Variants in DOCK8 observed in about 807,000 individuals in gnomAD.
DOCK8 encodes the protein dedicator of cytokinesis 8, also known as dedicator of cytokinesis protein 8.
Under a neutral mutation model 245.6 loss-of-function variants are expected in DOCK8, and 141 were observed. The observed-to-expected ratio is 0.57, with a 90% confidence interval of 0.50 to 0.66. The LOEUF is 0.66. DOCK8 is among the 30% of genes least tolerant of loss of function. DOCK8 has a pLI of 0.00. For synonymous variants in DOCK8, 1,168 were observed against 970.2 expected (o/e 1.20, Z -3.79); for missense variants, 2,965 against 2,603.4 (o/e 1.14, Z -3.02).
At chr9:318,962 GA>G (rs961830346) in intron 7 of DOCK8, among the ~76,000 whole-genome samples, 16 of 152,292 alleles carry the variant, frequency 1.1e-4, no homozygotes, top group Non-Finnish European at 2.2e-4. Context: ...TCACAGGTGG[GA>G]AAACATGGTC....
upstream of DOCK8, chr9:213,953 C>T (rs1002096159): frequency 3.3e-5 from 5 of 152,748 alleles, no homozygotes; most frequent in African/African-American, 2.4e-5. Flanking sequence ...GTCTCGATCT[C>T]CTGACCTCGT....
chr9:328,941 CTTT>C (rs1165346763), intron 9 of DOCK8, among the ~76,000 whole-genome samples: 9 of 71,402 alleles, frequency 1.3e-4, no homozygotes, highest in South Asian at 5.0e-4. Flanking sequence ...CTTATTGATT[CTTT>C]TTTTTTTTTT....
intron 5 of DOCK8, among the ~76,000 whole-genome samples, chr9:311,346 G>A (rs995004999): frequency 6.7e-6 from 1 of 149,212 alleles, no homozygotes; most frequent in Non-Finnish European, 1.5e-5. Context: ...CGGGGTTCAA[G>A]CAGTCTTCCT....
intron 46 of DOCK8, among the ~76,000 whole-genome samples, chr9:458,699 T>A (rs2057714866): frequency 6.6e-6 from 1 of 152,038 alleles, no homozygotes; most frequent in African/African-American, 2.4e-5. Flanking sequence ...TAGTTCCAAC[T>A]GCTCGGGAAG....
intron 11 of DOCK8, among the ~76,000 whole-genome samples, chr9:335,700 A>G (rs557225864): frequency 1.5e-3 from 229 of 152,202 alleles, no homozygotes; most frequent in Admixed American, 3.3e-3. Context: ...TGAGGCCTCA[A>G]TCATCTCTAG....
intron 44 of DOCK8, among the ~76,000 whole-genome samples, chr9:449,105 C>T (rs367972017): frequency 5.3e-5 from 8 of 152,272 alleles, no homozygotes; most frequent in African/African-American, 1.9e-4. Context: ...AATCCCAGCA[C>T]TTTGGGAGGC....
rs2057930766 is a variant in DOCK8, at chr9:465,134, T to G, written c.*915T>G. On this transcript the variant is annotated 3_prime_UTR_variant, in exon 48 of 48. Coordinates refer to ENST00000432829, the MANE Select transcript of DOCK8 (RefSeq NM_203447.4). ...ACAAAATATATTCAACTTTGACTTC[T>G]TTTGACAAAGGACTTTAGGAAAAAG... 6.6e-6 allele frequency: 1 copy of G among 152,668 alleles called. No homozygotes were observed. The highest frequency in any genetic ancestry group is 2.4e-5 in the African/African-American group (1 of 41,468). 9.5% of individuals were successfully genotyped at this position (152,668 alleles called of 1,614,324 possible).
chr9:290,830 G>C (rs2049007846), intron 4 of DOCK8, among the ~76,000 whole-genome samples: 1 of 152,178 alleles, frequency 6.6e-6, no homozygotes, highest in African/African-American at 2.4e-5. Flanking sequence ...AATGATGAAA[G>C]ACTTTGAGGA....
chr9:328,267 C>T (rs1003373806), intron 9 of DOCK8, 96 bp downstream of exon 9: 4 of 1,419,194 alleles, frequency 2.8e-6, no homozygotes, highest in Non-Finnish European at 3.9e-6. Flanking sequence ...AGAATGTGTC[C>T]ACATATCCTC....
At chr9:269,921 G>T (rs995622430) in intron 1 of DOCK8, among the ~76,000 whole-genome samples, 1 of 152,158 alleles carries the variant, frequency 6.6e-6, no homozygotes, top group African/African-American at 2.4e-5. Context: ...ATACATGGGA[G>T]CTCTGCTTAA....
In DOCK8 at chr9:428,344, G is replaced by T; in HGVS notation, c.4339-18G>T. 1 of 1,614,020 alleles carries T rather than the reference G, an allele frequency of 6.2e-7. No homozygotes were observed. Among genetic ancestry groups the T allele is most frequent in the Non-Finnish European group, 8.5e-7 (1 of 1,180,030 alleles). ...CACAGTGCAGGGATTCAATGATGCT[G>T]TTCTTCCATTCCCCCAGGCGAGCTC... On this transcript the variant is annotated intron_variant, in intron 34 of 47. Coordinates refer to ENST00000432829, the MANE Select transcript of DOCK8 (RefSeq NM_203447.4).
chr9:231,962 C>G lies in DOCK8; in HGVS notation c.53+16933C>G, dbSNP rs536633434. Among the ~76,000 whole-genome samples the G allele has an allele frequency of 2.0e-5, 3 of 152,278 alleles. No homozygotes were observed. In the South Asian group the frequency reaches 6.2e-4, roughly 32 times the overall value. On this transcript the variant is annotated intron_variant, in intron 1 of 47. Coordinates refer to ENST00000432829, the MANE Select transcript of DOCK8 (RefSeq NM_203447.4). ...GAATAGGAGGTGAGAGAGGACATCC[C>G]TGTCTTGTGCCCGTTTTCAAAGGGA...
intron 22 of DOCK8, among the ~76,000 whole-genome samples, chr9:386,034 C>G (rs1046676795): frequency 6.6e-6 from 1 of 152,008 alleles, no homozygotes; most frequent in Non-Finnish European, 1.5e-5. Flanking sequence ...TTCCTGGCGT[C>G]CCCTGAAGTC....
intron 29 of DOCK8, among the ~76,000 whole-genome samples, chr9:417,301 A>C (rs1217716736): frequency 6.6e-6 from 1 of 152,202 alleles, no homozygotes; most frequent in Admixed American, 6.5e-5. Context: ...TAAATAAATA[A>C]ATAATAAGAA....
chr9:428,998 C>T (rs370892134), intron 35 of DOCK8, among the ~76,000 whole-genome samples: 57 of 152,204 alleles, frequency 3.7e-4, no homozygotes, highest in Admixed American at 1.3e-4. Context: ...GACTGAGTCT[C>T]GCTCTATCGC....
intron 14 of DOCK8, among the ~76,000 whole-genome samples, chr9:366,907 T>C (rs2053028612): frequency 6.6e-6 from 1 of 152,134 alleles, no homozygotes; most frequent in African/African-American, 2.4e-5. Context: ...GATAGCACAG[T>C]ATGGAAAGGC....
chr9:378,930 T>G (rs66530828), intron 20 of DOCK8, among the ~76,000 whole-genome samples: 14,397 of 152,212 alleles, frequency 0.095, 2,284 homozygotes, highest in African/African-American at 0.33. Flanking sequence ...ATCATGTAAC[T>G]CAGTTTCACT....
rs574825667 is a variant in DOCK8 at position 241,731 on chromosome 9, A to T, written c.53+26702A>T. ...ATATAATAATCTTTTCCTTTGGATA[A>T]ATTCCCAGGAGTGGGATTGCTAGAT... is the stretch of plus-strand genomic sequence containing the variant. On this transcript the variant is annotated intron_variant, in intron 1 of 47. Transcript: ENST00000432829. Among the ~76,000 whole-genome samples, 7 of 152,332 alleles carry T rather than the reference A, an allele frequency of 4.6e-5. No individual in the cohort carries two copies. In the South Asian group the frequency reaches 1.4e-3, roughly 32 times the overall value.
Position 304,629 on chromosome 9 carries a change from A to G in DOCK8, c.453A>G (p.Arg151=), listed in dbSNP as rs973110890. ...GTGGCTTTAAAAAGACTGGATCTCG[A>G]AAAGATTTTCACAAGACGCTTCCGA... ...EICGFKKTGS[R]KDFHKTLPKQ... Residue 151 remains arginine, a synonymous_variant, in exon 5 of 48, where the codon CGA becomes CGG. Coordinates refer to ENST00000432829, the MANE Select transcript of DOCK8 (RefSeq NM_203447.4). 1.2e-6 allele frequency: 2 copies of G among 1,614,226 alleles called. No homozygotes were observed. The highest frequency in any genetic ancestry group is 2.7e-5 in the African/African-American group (2 of 75,056).
Sources: allele counts gnomAD v4.1 joint callset (sites outside exome capture counted in the v4.1 genomes callset), GRCh38; gene constraint gnomAD v4.1.1; transcripts MANE v1.5; gene names NCBI Gene and HGNC (gene_info 2026-07-23, HGNC 2026-07-21).